The following DYNC2H1 variants were observed in gnomAD, a reference collection of about 807,000 sequenced individuals.
DYNC2H1 encodes dynein cytoplasmic 2 heavy chain 1.
In DYNC2H1, 410 loss-of-function variants were observed where a neutral mutation model predicts 570.0. The ratio of observed to expected loss-of-function variants is 0.72; its 90% confidence interval spans 0.66 to 0.78. The LOEUF (loss-of-function observed/expected upper bound fraction) is 0.78. Ranked by LOEUF, DYNC2H1 falls within the 30% of genes least tolerant of loss-of-function variation. The pLI is 0.00. For missense variants in DYNC2H1, 4,865 were observed against 5,046.4 expected (o/e 0.96, Z 1.09); for synonymous variants, 1,688 against 1,677.6 (o/e 1.01, Z -0.15).
At chr11:103,295,489 A>G (rs1238887929) in intron 75 of DYNC2H1, among the ~76,000 whole-genome samples, 2 of 152,148 alleles carry the variant, frequency 1.3e-5, no homozygotes, top group Non-Finnish European at 2.9e-5. Flanking sequence ...GAGGAGAAAA[A>G]CAAATTTTTC....
At chr11:103,274,692 A>G (rs976457492) in intron 70 of DYNC2H1, among the ~76,000 whole-genome samples, 1 of 152,184 alleles carries the variant, frequency 6.6e-6, no homozygotes, top group African/African-American at 2.4e-5. Context: ...TTCTCATGGT[A>G]GTTGTTTCAT....
chr11:103,184,134 G>A (rs530856118), intron 40 of DYNC2H1, among the ~76,000 whole-genome samples: 10 of 151,930 alleles, frequency 6.6e-5, no homozygotes, highest in Non-Finnish European at 1.2e-4. Context: ...TAAAGAAGCC[G>A]TGAGCCCTCA....
rs756834557 is a variant in DYNC2H1, at chr11:103,113,582, C to T, written c.241C>T (p.Leu81=). ...TKDKVLVFFK[L]RPEVITDENL... Reference sequence around the variant, plus strand: ...AGATAAAGTGCTGGTGTTTTTCAAGCTGCGACCTGAAGTAATTACTGATGA... The same window carrying T: ...AGATAAAGTGCTGGTGTTTTTCAAGTTGCGACCTGAAGTAATTACTGATGA... Residue 81 remains leucine (L), a synonymous_variant, in exon 2 of 89, where the codon CTG becomes TTG. Transcript: ENST00000375735. 1 of 1,578,936 alleles carries T rather than the reference C, an allele frequency of 6.3e-7. No individual in the cohort carries two copies. Among genetic ancestry groups the T allele is most frequent in the Non-Finnish European group, 8.6e-7 (1 of 1,167,322 alleles).
Position 103,302,966 on chromosome 11 carries a change from AC to A in DYNC2H1, c.11096-126del, listed in dbSNP as rs967346572. The A allele has an allele frequency of 7.7e-6, 5 of 645,418 alleles. No homozygotes were observed. In the East Asian group the frequency reaches 1.7e-4, roughly 22 times the overall value. 40.0% of individuals were successfully genotyped at this position (645,418 alleles called of 1,614,324 possible). On this transcript the variant is annotated intron_variant, in intron 75 of 88. Coordinates refer to ENST00000375735, the MANE Select transcript of DYNC2H1 (RefSeq NM_001377.3). The stretch of plus-strand genomic sequence containing the variant: ...TAGTATATTATTTTAGAGTAGAAAA[AC>A]TTTAATGTATTATGAGATTACAACT...
intron 55 of DYNC2H1, 116 bp downstream of exon 55, chr11:103,215,974 C>T (rs1408623783): frequency 1.6e-6 from 2 of 1,232,530 alleles, no homozygotes; most frequent in Non-Finnish European, 2.2e-6. Context: ...CTTATTCATA[C>T]TGAGTCAGAC....
intron 60 of DYNC2H1, 124 bp downstream of exon 60, chr11:103,231,470 A>C (rs1864008325): frequency 5.7e-6 from 3 of 523,976 alleles, no homozygotes; most frequent in Admixed American, 7.3e-5. Context: ...TGTGGGACCC[A>C]GTAGTCTATA....
In DYNC2H1 at chr11:103,252,600, G is replaced by T. The variant is rs1004735090; in HGVS notation, c.10043-685G>T. 1.3e-5 allele frequency among the ~76,000 whole-genome samples: 2 copies of T among 152,144 alleles called. No homozygotes were observed. The highest frequency in any genetic ancestry group is 2.9e-5 in the Non-Finnish European group (2 of 68,024). ...TTTGCATTTCCTCATGATAAGTGAT[G>T]TTGAGCATCGTTTCATATAGCTGTT... On this transcript the variant is annotated intron_variant, in intron 65 of 88. Transcript: ENST00000375735. This position sits in a 1 kb window ranked among gnomAD's most constrained non-coding sequence, Gnocchi z 4.6.
In DYNC2H1 at chr11:103,116,623, G is replaced by T. The variant is rs1858412987; in HGVS notation, c.675G>T (p.Glu225Asp). 6.2e-7 allele frequency: 1 copy of T among 1,608,906 alleles called. No homozygotes were observed. The highest frequency in any genetic ancestry group is 8.5e-7 in the Non-Finnish European group (1 of 1,177,058). The stretch of plus-strand genomic sequence containing the variant: ...TACTAGAAGTTGTTGACTTGGTGGA[G>T]ACTACTCAGGATGTTGTAGATGATG... ...LSLLEVVDLVETTQDVVDDVW... is the reference protein window; with the variant it reads ...LSLLEVVDLVDTTQDVVDDVW... Residue 225 changes from glutamate (E) to aspartate (D), a missense_variant, in exon 5 of 89, where the codon GAG (glutamate) becomes GAT (aspartate). Physicochemically the swap from Glu to Asp is conservative, Grantham distance 45. Around this residue, in one of 5 missense-constraint regions of DYNC2H1, gnomAD observed 1,936 missense variants for 1,962.1 expected, o/e 0.99. Coordinates refer to ENST00000375735, the MANE Select transcript of DYNC2H1 (RefSeq NM_001377.3).
intron 12 of DYNC2H1, among the ~76,000 whole-genome samples, chr11:103,126,449 C>T (rs1005048610): frequency 1.3e-5 from 2 of 152,156 alleles, no homozygotes; most frequent in African/African-American, 4.8e-5. Flanking sequence ...GTAAACTAAA[C>T]ATTGAGTGCT....
At chr11:103,380,244 C>G (rs909910669) in intron 83 of DYNC2H1, among the ~76,000 whole-genome samples, 3 of 152,180 alleles carry the variant, frequency 2.0e-5, no homozygotes, top group Non-Finnish European at 4.4e-5. Context: ...TACCTTTGTA[C>G]TGGTCTGAAT....
intron 88 of DYNC2H1, among the ~76,000 whole-genome samples, chr11:103,476,027 A>G (rs1188562345): frequency 1.3e-5 from 2 of 152,226 alleles, no homozygotes; most frequent in African/African-American, 2.4e-5. Flanking sequence ...TCATAGATTC[A>G]GATCACTTCA....
chr11:103,362,490 G>A (rs1289274061), intron 83 of DYNC2H1, among the ~76,000 whole-genome samples: 2 of 151,680 alleles, frequency 1.3e-5, no homozygotes, highest in African/African-American at 4.8e-5. Flanking sequence ...TTGTGTATTT[G>A]TTTTTAATTA....
At chr11:103,155,081 A>G (rs1254842401) in intron 24 of DYNC2H1, among the ~76,000 whole-genome samples, 2 of 152,106 alleles carry the variant, frequency 1.3e-5, no homozygotes, top group Admixed American at 1.3e-4. Flanking sequence ...TAATAAAAAT[A>G]GAAATAGTCT....
Position 103,186,246 on chromosome 11 carries a change from T to A in DYNC2H1, c.6638T>A (p.Phe2213Tyr). ...KSRLEFTKEV[F>Y]HWARESPPDF... ...TCACAATTTTTTCCTCTTAAGGTTT[T>A]TCATTGGGCACGAGAATCTCCTCCA... The change falls in exon 42 of 89, where the codon TTT (phenylalanine) becomes TAT (tyrosine). Residue 2213 changes from phenylalanine to tyrosine, a missense_variant. Physicochemically the swap from Phe to Tyr is conservative, Grantham distance 22. This residue lies in a region of DYNC2H1 where 231 missense variants were observed against 310.3 expected (regional missense o/e 0.74). Transcript: ENST00000375735. The surrounding 1 kb of genome is among the most constrained non-coding windows in gnomAD (Gnocchi z 4.5). 6.2e-7 allele frequency: 1 copy of A among 1,609,416 alleles called. No individual in the cohort carries two copies. Among genetic ancestry groups the A allele is most frequent in the East Asian group, 2.2e-5 (1 of 44,704 alleles).
At position 103,462,018 on chromosome 11, in the gene DYNC2H1, T is replaced by C. The variant is rs565846029; in HGVS notation, c.12648+5662T>C. The stretch of plus-strand genomic sequence containing the variant: ...ATTTAATATTCAGTCCAAAACAATA[T>C]TGACCAGTCTTCAAAAGAACTCTTT... On this transcript the variant is annotated intron_variant, in intron 87 of 88. Coordinates refer to ENST00000375735, the MANE Select transcript of DYNC2H1 (RefSeq NM_001377.3). 1.6e-3 allele frequency among the ~76,000 whole-genome samples: 245 copies of C among 152,282 alleles called. 1 individual carries two copies. Among genetic ancestry groups the C allele is most frequent in the Admixed American group, 2.2e-3 (34 of 15,296 alleles).
chr11:103,321,352 G>C (rs1938186556), intron 81 of DYNC2H1, 115 bp downstream of exon 81: 2 of 1,116,148 alleles, frequency 1.8e-6, no homozygotes, highest in African/African-American at 3.1e-5. Context: ...TCACAGTTTG[G>C]ATTATTTGTT....
chr11:103,235,367 A>G (rs944600865), intron 61 of DYNC2H1, among the ~76,000 whole-genome samples: 4 of 151,864 alleles, frequency 2.6e-5, no homozygotes, highest in African/African-American at 7.2e-5. Flanking sequence ...ATCTTAGTTT[A>G]CAAAGTGGTG....
chr11:103,455,149 T>C lies in DYNC2H1; in HGVS notation c.12457-37T>C, dbSNP rs143263283. On this transcript the variant is annotated intron_variant, in intron 85 of 88. Transcript: ENST00000375735. Reference sequence around the variant, plus strand: ...TAAGTCTTTAATTGACTTATAAGTGTGTGTGTATTTATATGTTCATATTTC... The same window carrying C: ...TAAGTCTTTAATTGACTTATAAGTGCGTGTGTATTTATATGTTCATATTTC... The C allele has an allele frequency of 6.5e-4, 958 of 1,463,054 alleles. 8 individuals are homozygous for C. In the African/African-American group the frequency reaches 0.012, roughly 19 times the overall value. 90.6% of individuals were successfully genotyped at this position (1,463,054 alleles called of 1,614,324 possible). A position where few individuals can be genotyped will look rare whatever the true frequency, so the allele number is the denominator to read the frequency against.
At chr11:103,230,364 A>G (rs560594292) in intron 59 of DYNC2H1, among the ~76,000 whole-genome samples, 1 of 152,308 alleles carries the variant, frequency 6.6e-6, no homozygotes, top group South Asian at 2.1e-4. Flanking sequence ...TGGCCATTTT[A>G]TGGCAACCCC....
Sources: allele counts gnomAD v4.1 joint callset (sites outside exome capture counted in the v4.1 genomes callset), GRCh38; gene constraint gnomAD v4.1.1; regional missense constraint gnomAD v4.1.1; non-coding constraint Gnocchi (gnomAD v3.1); transcripts MANE v1.5; gene names NCBI Gene and HGNC (gene_info 2026-07-23, HGNC 2026-07-21).